BICDL1: variants seen among roughly 807,000 people sequenced by gnomAD.
The protein encoded by BICDL1 is BICD family-like cargo adapter 1.
Under a neutral mutation model 76.8 loss-of-function variants are expected in BICDL1, and 20 were observed. The observed-to-expected ratio is 0.26, with a 90% CI of 0.18 to 0.38. The LOEUF (loss-of-function observed/expected upper bound fraction) is 0.38. BICDL1 is among the 10% of genes least tolerant of loss of function. BICDL1 has a pLI of 1.00. For missense variants in BICDL1, 700 were observed against 798.6 expected (o/e 0.88, Z 1.49); for synonymous variants, 383 against 337.1 (o/e 1.14, Z -1.49).
At chr12:120,057,494 A>G (rs141000158) in intron 2 of BICDL1, among the ~76,000 whole-genome samples, 171 of 152,372 alleles carry the variant, frequency 1.1e-3, no homozygotes, top group African/African-American at 3.9e-3. Flanking sequence ...CATTTAGAAC[A>G]TAAGAGTTAT....
intron 2 of BICDL1, among the ~76,000 whole-genome samples, chr12:120,014,781 C>T (rs1268159948): frequency 6.6e-6 from 1 of 151,348 alleles, no homozygotes; most frequent in Non-Finnish European, 1.5e-5. Flanking sequence ...GAGGATTGAT[C>T]CCAGAAGTTC....
At chr12:120,039,654 A>AG (rs1188608241) in intron 2 of BICDL1, among the ~76,000 whole-genome samples, 67 of 151,478 alleles carry the variant, frequency 4.4e-4, no homozygotes, top group Non-Finnish European at 9.0e-4. Context: ...AAAAAAAAAA[A>AG]AAAAAAGAAA....
intron 2 of BICDL1, among the ~76,000 whole-genome samples, chr12:120,046,879 ATCTGT>A (rs1020689641): frequency 1.2e-4 from 18 of 152,176 alleles, no homozygotes; most frequent in Non-Finnish European, 4.4e-5. Flanking sequence ...AAATTAAAAG[ATCTGT>A]TCTGACTTCT....
intron 2 of BICDL1, among the ~76,000 whole-genome samples, chr12:120,052,952 G>T (rs1375066031): frequency 6.6e-6 from 1 of 151,978 alleles, no homozygotes; most frequent in Admixed American, 6.6e-5. Context: ...GCTAATTTTT[G>T]TATTTTTAGT....
intron 2 of BICDL1, among the ~76,000 whole-genome samples, chr12:120,024,095 C>T (rs1952240102): frequency 6.6e-6 from 1 of 152,072 alleles, no homozygotes; most frequent in African/African-American, 2.4e-5. Flanking sequence ...GCCTGGACAA[C>T]ATGGTGAAAC....
chr12:120,081,159 C>CCCCACCCCCATT, intron 8 of BICDL1, 142 bp downstream of exon 8: 1 of 711,658 alleles, frequency 1.4e-6, no homozygotes, highest in East Asian at 3.3e-5. Flanking sequence ...CCACCCCCAC[C>CCCCACCCCCATT]CCCACCCCCA....
Position 120,093,228 on chromosome 12 carries a change from G to A in BICDL1, c.*67G>A. On this transcript the variant is annotated 3_prime_UTR_variant, in exon 10 of 10. Coordinates refer to ENST00000548673, the MANE Select transcript of BICDL1 (RefSeq NM_001367886.1). ...CAGCTGGAAAGGCGGTGCAGGCAAG[G>A]CCTCCCCTGCAGCTTGCACCTCAGC... 1 of 1,524,306 alleles carries A rather than the reference G, an allele frequency of 6.6e-7. No homozygotes were observed. Among genetic ancestry groups the A allele is most frequent in the East Asian group, 2.5e-5 (1 of 40,748 alleles). 94.4% of individuals were successfully genotyped at this position (1,524,306 alleles called of 1,614,324 possible).
chr12:120,044,423 T>G (rs1324509844), intron 2 of BICDL1, among the ~76,000 whole-genome samples: 1 of 152,170 alleles, frequency 6.6e-6, no homozygotes, highest in Non-Finnish European at 1.5e-5. Context: ...TCACCACTTG[T>G]CTCCAGTGAA....
chr12:120,001,978 G>A (rs1324038158), intron 2 of BICDL1, among the ~76,000 whole-genome samples: 3 of 152,150 alleles, frequency 2.0e-5, no homozygotes, highest in Middle Eastern at 6.3e-3. Flanking sequence ...GCTGCAATGA[G>A]CTATGATCAC....
intron 4 of BICDL1, among the ~76,000 whole-genome samples, chr12:120,066,159 C>T (rs912184638): frequency 1.3e-5 from 2 of 152,166 alleles, no homozygotes; most frequent in Non-Finnish European, 2.9e-5. Context: ...AAAACTGAAT[C>T]GTTTATCCAA....
rs1351855311 is a variant in BICDL1, at chr12:119,989,703, G to C, written c.-166G>C. ...GGCGCGTGCCGCCGGCGCGGGGGAGGGGCGGGCCGGCGCGCGCCGCGCCCA... is the reference window on the plus strand; with the variant it reads ...GGCGCGTGCCGCCGGCGCGGGGGAGCGGCGGGCCGGCGCGCGCCGCGCCCA... On this transcript the variant is annotated 5_prime_UTR_variant, in exon 1 of 10. Transcript: ENST00000548673. 6.9e-6 allele frequency among the ~76,000 whole-genome samples: 1 copy of C among 145,372 alleles called. No homozygotes were observed. Among genetic ancestry groups the C allele is most frequent in the Non-Finnish European group, 1.5e-5 (1 of 65,514 alleles).
intron 2 of BICDL1, among the ~76,000 whole-genome samples, chr12:120,048,404 A>T (rs928154229): frequency 6.6e-6 from 1 of 152,088 alleles, no homozygotes; most frequent in Non-Finnish European, 1.5e-5. Context: ...TGTCAAGTGC[A>T]TTGCTGTTAA....
intron 4 of BICDL1, among the ~76,000 whole-genome samples, chr12:120,070,682 T>A (rs1275927659): frequency 6.6e-6 from 1 of 152,098 alleles, no homozygotes; most frequent in Non-Finnish European, 1.5e-5. Context: ...TTTGTTTGAA[T>A]CAAGATACAG....
chr12:120,084,862 C>G (rs1367801343), intron 8 of BICDL1, among the ~76,000 whole-genome samples: 1 of 151,632 alleles, frequency 6.6e-6, no homozygotes, highest in Non-Finnish European at 1.5e-5. Context: ...TGCACTCCAG[C>G]CTGGGCAACA....
rs1025730807 is a variant in BICDL1 at position 120,057,358 on chromosome 12, G to GT, written c.646-4351dup. ...ATACCCCTCCTCTCAGGAGCACAGTGTATCCCTTCAGAGAGACTGCTGTTA... is the reference window on the plus strand; with the variant it reads ...ATACCCCTCCTCTCAGGAGCACAGTGTTATCCCTTCAGAGAGACTGCTGTTA... On this transcript the variant is annotated intron_variant, in intron 2 of 9. Coordinates refer to ENST00000548673, the MANE Select transcript of BICDL1 (RefSeq NM_001367886.1). 3.2e-4 allele frequency among the ~76,000 whole-genome samples: 49 copies of GT among 152,032 alleles called. 1 individual carries two copies. The highest frequency in any genetic ancestry group is 1.2e-3 in the African/African-American group (49 of 41,390).
At chr12:119,992,726 G>A (rs1222723117) in intron 1 of BICDL1, 1 of 151,956 alleles carries the variant, frequency 6.6e-6, no homozygotes, top group African/African-American at 2.4e-5. Context: ...TATAAAACCA[G>A]TACTTTAAGA....
Position 120,013,351 on chromosome 12 carries a change from TTTA to T in BICDL1, c.645+14618_645+14620del, listed in dbSNP as rs1055500416. Among the ~76,000 whole-genome samples, 29 of 151,980 alleles carry T rather than the reference TTTA, an allele frequency of 1.9e-4. No individual in the cohort carries two copies. In the Middle Eastern group the frequency reaches 0.01, roughly 53 times the overall value. On this transcript the variant is annotated intron_variant, in intron 2 of 9. Transcript: ENST00000548673. ...AAATTATAAAGCCTGTGGTCCAAAT[TTTA>T]TTGTCATTTAATGTCACATGATTAT...
At chr12:120,024,931 G>T (rs1952258875) in intron 2 of BICDL1, among the ~76,000 whole-genome samples, 2 of 152,092 alleles carry the variant, frequency 1.3e-5, no homozygotes, top group South Asian at 4.2e-4. Flanking sequence ...TCCCGCCTTG[G>T]CCTCCCAAAA....
chr12:120,047,431 G>A (rs543824146), intron 2 of BICDL1, among the ~76,000 whole-genome samples: 3 of 152,080 alleles, frequency 2.0e-5, no homozygotes, highest in Non-Finnish European at 4.4e-5. Context: ...GTATCTTTAC[G>A]GGCCTAACTT....
Sources: gnomAD v4.1 joint callset for allele counts (sites outside exome capture counted in the v4.1 genomes callset) on GRCh38, gnomAD v4.1.1 for gene constraint, MANE v1.5 for transcripts, NCBI Gene and HGNC (gene_info 2026-07-23, HGNC 2026-07-21) for gene names.